Variants in PSMA8 observed in about 807,000 individuals in gnomAD.
PSMA8 encodes the protein proteasome 20S subunit alpha 8, also known as proteasome subunit alpha-type 8.
Under a neutral mutation model 32.4 loss-of-function variants are expected in PSMA8, and 18 were observed. That is an observed-to-expected ratio of 0.56 (90% CI 0.38 to 0.82). PSMA8 has a LOEUF of 0.82. PSMA8 is among the 40% of genes least tolerant of loss of function. PSMA8 has a pLI of 0.00. For missense variants in PSMA8, 298 were observed against 300.7 expected (o/e 0.99, Z 0.07); for synonymous variants, 104 against 98.1 (o/e 1.06, Z -0.36).
At chr18:26,150,189 T>A (rs1470997522) in intron 2 of PSMA8, among the ~76,000 whole-genome samples, 1 of 152,184 alleles carries the variant, frequency 6.6e-6, no homozygotes, top group African/African-American at 2.4e-5. Flanking sequence ...CTGAAACACT[T>A]CTGATCCCAA....
At chr18:26,183,650 A>G (rs981194036) in intron 6 of PSMA8, among the ~76,000 whole-genome samples, 1 of 150,840 alleles carries the variant, frequency 6.6e-6, no homozygotes, top group African/African-American at 2.4e-5. Flanking sequence ...CTTGGATGAA[A>G]TCTACTCCTG....
rs2055218670 is a variant in PSMA8, at chr18:26,171,307, C to T, written c.478-7523C>T. On this transcript the variant is annotated intron_variant, in intron 4 of 6. Transcript: ENST00000415576. ...ACCATGACAGCAGCGGGAGGACCTCCGAGCCCGCTCGTTACAGCAGAACGC... is the reference window on the plus strand; with the variant it reads ...ACCATGACAGCAGCGGGAGGACCTCTGAGCCCGCTCGTTACAGCAGAACGC... 5 of 1,559,092 alleles carry T rather than the reference C, an allele frequency of 3.2e-6. No individual in the cohort carries two copies. The South Asian group carries it at 3.3e-5, about 10-fold the overall frequency.
chr18:26,170,806 G>A (rs1386599112), intron 4 of PSMA8: 2 of 1,557,730 alleles, frequency 1.3e-6, no homozygotes, highest in East Asian at 2.4e-5. Context: ...GGGTATTCTG[G>A]CAGAAGTTTA....
intron 1 of PSMA8, among the ~76,000 whole-genome samples, chr18:26,141,625 G>C (rs1244594490): frequency 6.6e-6 from 1 of 151,926 alleles, no homozygotes; most frequent in African/African-American, 2.4e-5. Flanking sequence ...TTTAAGAAAG[G>C]GTACTTGGAT....
chr18:26,154,536 G>A (rs953668478), intron 3 of PSMA8, among the ~76,000 whole-genome samples: 3 of 152,156 alleles, frequency 2.0e-5, no homozygotes, highest in East Asian at 1.9e-4. Context: ...AATTACCACC[G>A]AGAAGGCCTG....
In PSMA8 at chr18:26,151,738, T is replaced by C. The variant is rs2055047091; in HGVS notation, c.230-120T>C. Reference sequence around the variant, plus strand: ...TCTCACAAGTCTTTTAAAATGAGCATGTATTGAGAAAAAAAGGATAAGAAA... The same window carrying C: ...TCTCACAAGTCTTTTAAAATGAGCACGTATTGAGAAAAAAAGGATAAGAAA... On this transcript the variant is annotated intron_variant, in intron 2 of 6. Transcript: ENST00000415576. 11 of 803,984 alleles carry C rather than the reference T, an allele frequency of 1.4e-5. No individual in the cohort carries two copies. The Admixed American group carries it at 3.4e-4, about 25-fold the overall frequency. 49.8% of individuals were successfully genotyped at this position (803,984 alleles called of 1,614,324 possible). A position where few individuals can be genotyped will look rare whatever the true frequency, so the allele number is the denominator to read the frequency against.
At chr18:26,161,917 G>A (rs2055138904) in intron 4 of PSMA8, among the ~76,000 whole-genome samples, 2 of 152,048 alleles carry the variant, frequency 1.3e-5, no homozygotes, top group Non-Finnish European at 2.9e-5. Flanking sequence ...ATGTTGTCAG[G>A]TTGCCATGAA....
intron 4 of PSMA8, among the ~76,000 whole-genome samples, chr18:26,161,548 G>A (rs1040645325): frequency 6.6e-6 from 1 of 152,152 alleles, no homozygotes; most frequent in Admixed American, 6.5e-5. Flanking sequence ...TTGCTCAGAG[G>A]CTATGTTTTC....
intron 3 of PSMA8, among the ~76,000 whole-genome samples, chr18:26,156,511 C>A (rs983564543): frequency 6.6e-6 from 1 of 151,846 alleles, no homozygotes. Context: ...TTCGTTATAA[C>A]GTGAATGAGC....
chr18:26,150,520 G>A (rs1215800631), intron 2 of PSMA8, among the ~76,000 whole-genome samples: 2 of 151,836 alleles, frequency 1.3e-5, no homozygotes, highest in East Asian at 3.9e-4. Flanking sequence ...TTATTTTTTT[G>A]TAGAAACCGG....
chr18:26,137,303 C>CA (rs1314809657), intron 1 of PSMA8, among the ~76,000 whole-genome samples: 1 of 152,008 alleles, frequency 6.6e-6, no homozygotes, highest in African/African-American at 2.4e-5. Context: ...ACTAAAAATA[C>CA]AAAAAATTAG....
chr18:26,158,748 A>T (rs1216212359), intron 4 of PSMA8, among the ~76,000 whole-genome samples: 2 of 152,208 alleles, frequency 1.3e-5, no homozygotes, highest in African/African-American at 4.8e-5. Flanking sequence ...ATAAGCTGTT[A>T]TTCTTGTTTT....
At chr18:26,192,230 A>T in intron 6 of PSMA8, 89 bp from the exon 7 acceptor site, 2 of 1,088,922 alleles carry the variant, frequency 1.8e-6, no homozygotes, top group Non-Finnish European at 2.4e-6. Flanking sequence ...AGAAAGTATA[A>T]ATTTATTAAA....
In PSMA8 at chr18:26,183,924, G is replaced by A. The variant is rs367908785; in HGVS notation, c.660+4794G>A. ...CAGCAACCACTACCCTGATGAGTCA[G>A]CTCCATCATCAAGACAAGACCCCAC... On this transcript the variant is annotated intron_variant, in intron 6 of 6. Coordinates refer to ENST00000415576, the MANE Select transcript of PSMA8 (RefSeq NM_001025096.2). 1.1e-4 allele frequency among the ~76,000 whole-genome samples: 16 copies of A among 150,838 alleles called. 3 individuals carry two copies. Among genetic ancestry groups the A allele is most frequent in the African/African-American group, 3.9e-4 (16 of 40,890 alleles).
chr18:26,154,413 A>T (rs1183224776), intron 3 of PSMA8, among the ~76,000 whole-genome samples: 4 of 152,182 alleles, frequency 2.6e-5, no homozygotes, highest in Non-Finnish European at 5.9e-5. Context: ...TTCACCAAAT[A>T]CAAGGAACAG....
In PSMA8 at chr18:26,150,599, G is replaced by A. The variant is rs1411558208; in HGVS notation, c.230-1259G>A. ...AAGCAAGTCTTCTGACTCATTAAATGTAAATTTTAATTGTAATTTGTTAAA... is the reference window on the plus strand; with the variant it reads ...AAGCAAGTCTTCTGACTCATTAAATATAAATTTTAATTGTAATTTGTTAAA... On this transcript the variant is annotated intron_variant, in intron 2 of 6. Coordinates refer to ENST00000415576, the MANE Select transcript of PSMA8 (RefSeq NM_001025096.2). Among the ~76,000 whole-genome samples, 5 of 152,258 alleles carry A rather than the reference G, an allele frequency of 3.3e-5. No homozygotes were observed. The East Asian group carries it at 9.6e-4, about 29-fold the overall frequency.
chr18:26,186,660 CTA>C (rs1189607947), intron 6 of PSMA8, among the ~76,000 whole-genome samples: 7 of 152,158 alleles, frequency 4.6e-5, no homozygotes, highest in African/African-American at 1.4e-4. Flanking sequence ...AAATCACTGA[CTA>C]TGTGCTGAAA....
chr18:26,154,113 G>C (rs535301013), intron 3 of PSMA8, among the ~76,000 whole-genome samples: 166 of 152,214 alleles, frequency 1.1e-3, no homozygotes, highest in Admixed American at 2.4e-3. Flanking sequence ...TGTTGGCCAG[G>C]CTGGTCTCGA....
intron 6 of PSMA8, among the ~76,000 whole-genome samples, chr18:26,181,145 T>C (rs1201191542): frequency 6.6e-6 from 1 of 152,228 alleles, no homozygotes; most frequent in Non-Finnish European, 1.5e-5. Context: ...TGTGTCTCTG[T>C]CACATTTTTG....
Sources: gnomAD v4.1 joint callset for allele counts (sites outside exome capture counted in the v4.1 genomes callset) on GRCh38, gnomAD v4.1.1 for gene constraint, MANE v1.5 for transcripts, NCBI Gene and HGNC (gene_info 2026-07-23, HGNC 2026-07-21) for gene names.